DLGAP3: variants seen among roughly 807,000 people sequenced by gnomAD.
DLGAP3 encodes the protein disks large-associated protein 3.
A neutral mutation model predicts 81.2 loss-of-function variants in DLGAP3; 17 were observed. The ratio of observed to expected loss-of-function variants is 0.21; its 90% CI spans 0.14 to 0.31. DLGAP3 has a LOEUF of 0.31. Among genes scored for constraint, DLGAP3 ranks in the 10% least tolerant of loss-of-function variants. The pLI is 1.00. For missense variants in DLGAP3, 1,124 were observed against 1,388.0 expected (o/e 0.81, Z 3.02); for synonymous variants, 577 against 587.4 (o/e 0.98, Z 0.26).
chr1:34,869,480 A>ATTTTTTTTTTTTTTTTTTTTTTTTTTTT (rs71029050), intron 8 of DLGAP3, among the ~76,000 whole-genome samples: 1 of 69,280 alleles, frequency 1.4e-5, no homozygotes. Context: ...AGATATTTCA[A>ATTTTTTTTTTTTTTTTTTTTTTTTTTTT]TTTTTTTTTT....
chr1:34,906,034 T>TATATA (rs1557492434), intron 2 of DLGAP3, among the ~76,000 whole-genome samples: 1 of 39,148 alleles, frequency 2.6e-5, no homozygotes, highest in African/African-American at 7.4e-5. Context: ...ATATATATAT[T>TATATA]TGTTTGTTTT....
intron 2 of DLGAP3, among the ~76,000 whole-genome samples, chr1:34,907,099 G>C (rs981723896): frequency 3.3e-5 from 5 of 152,094 alleles, no homozygotes; most frequent in African/African-American, 1.2e-4. Context: ...TCCAGATCCT[G>C]CTCACCCCTC....
intron 5 of DLGAP3, among the ~76,000 whole-genome samples, chr1:34,890,315 G>A (rs1273626027): frequency 1.3e-5 from 2 of 152,180 alleles, no homozygotes; most frequent in Admixed American, 1.3e-4. Context: ...AGCTGCTCAT[G>A]CTTCTCACAG....
At chr1:34,906,723 G>T (rs1344698629) in intron 2 of DLGAP3, among the ~76,000 whole-genome samples, 1 of 152,186 alleles carries the variant, frequency 6.6e-6, no homozygotes, top group African/African-American at 2.4e-5. Flanking sequence ...GAACCCAGGA[G>T]TTCCTCCTCC....
chr1:34,868,711 G>T lies in DLGAP3; in HGVS notation c.2379C>A (p.Arg793=). The T allele has an allele frequency of 1.2e-6, 2 of 1,610,904 alleles. No individual in the cohort carries two copies. The highest frequency in any genetic ancestry group is 1.1e-5 in the South Asian group (1 of 91,084). ...GCATCTTGATGAACCACTCGCCGTC[G>T]CGTGGGCAGGGGGATGCGCGGCCTG... ...PDSGRASPCP[R]DGEWFIKMLR... Residue 793 remains arginine (R), a synonymous_variant, in exon 9 of 12, where the codon CGC becomes CGA. Coordinates refer to ENST00000373347, the MANE Select transcript of DLGAP3 (RefSeq NM_001080418.3). The surrounding 1 kb of genome is among the most constrained non-coding windows in gnomAD (Gnocchi z 7.5).
intron 1 of DLGAP3, among the ~76,000 whole-genome samples, chr1:34,917,362 T>TTTC (rs1184134047): frequency 6.6e-6 from 1 of 151,302 alleles, no homozygotes; most frequent in Non-Finnish European, 1.5e-5. Context: ...TTTTTTTTTT[T>TTTC]TTCGAGATAG....
chr1:34,916,918 C>T (rs1450173108), intron 1 of DLGAP3, among the ~76,000 whole-genome samples: 1 of 152,124 alleles, frequency 6.6e-6, no homozygotes, highest in East Asian at 1.9e-4. Flanking sequence ...TGGATGGTCT[C>T]GGTCTCCCTG....
In DLGAP3 at chr1:34,867,468, C is replaced by A; in HGVS notation, c.2577+68G>T. Reference sequence around the variant, plus strand: ...CACTCACTCTGGGTCACCTGCCTGTCTCACCTCCAGCACACACACACTCTG... The same window carrying A: ...CACTCACTCTGGGTCACCTGCCTGTATCACCTCCAGCACACACACACTCTG... On this transcript the variant is annotated intron_variant, in intron 10 of 11. Transcript: ENST00000373347. This position sits in a 1 kb window ranked among gnomAD's most constrained non-coding sequence, Gnocchi z 4.3. 7.1e-7 allele frequency: 1 copy of A among 1,410,224 alleles called. No individual in the cohort carries two copies. Among genetic ancestry groups the A allele is most frequent in the Non-Finnish European group, 1.0e-6 (1 of 994,050 alleles). The allele number at this position is 1,410,224 out of a possible 1,614,324, so 87.4% of individuals were successfully genotyped here. A position where few individuals can be genotyped will look rare whatever the true frequency, so the allele number is the denominator to read the frequency against.
At chr1:34,869,575 C>T (rs919777177) in intron 8 of DLGAP3, among the ~76,000 whole-genome samples, 5 of 150,918 alleles carry the variant, frequency 3.3e-5, no homozygotes, top group Admixed American at 1.3e-4. Context: ...CCGCAACCTC[C>T]GCCTCCCGGG....
intron 1 of DLGAP3, among the ~76,000 whole-genome samples, chr1:34,920,881 T>A (rs1296183938): frequency 6.6e-6 from 1 of 152,174 alleles, no homozygotes; most frequent in Non-Finnish European, 1.5e-5. Flanking sequence ...TATAAAATAA[T>A]GGTGGTGGCA....
chr1:34,888,108 A>G (rs2148403645), intron 5 of DLGAP3, among the ~76,000 whole-genome samples: 1 of 152,324 alleles, frequency 6.6e-6, no homozygotes, highest in Non-Finnish European at 1.5e-5. Flanking sequence ...CAAGTATCAC[A>G]TGGCTGCATC....
In DLGAP3 at chr1:34,867,643, A is replaced by C; in HGVS notation, c.2486-16T>G. The C allele has an allele frequency of 3.1e-6, 5 of 1,598,288 alleles. No homozygotes were observed. Among genetic ancestry groups the C allele is most frequent in the Non-Finnish European group, 4.3e-6 (5 of 1,165,822 alleles). ...TTCTCCAGGACTAGAAAGCAGAAGGAAATTCAGGGAGGGAAATGATGCATC... is the reference window on the plus strand; with the variant it reads ...TTCTCCAGGACTAGAAAGCAGAAGGCAATTCAGGGAGGGAAATGATGCATC... On this transcript the variant is annotated splice_polypyrimidine_tract_variant and intron_variant, in intron 9 of 11. Transcript: ENST00000373347. The surrounding 1 kb of genome is among the most constrained non-coding windows in gnomAD (Gnocchi z 4.3).
At position 34,865,994 on chromosome 1, in the gene DLGAP3, G is replaced by C. The variant is rs746598841; in HGVS notation, c.*89C>G. Reference sequence around the variant, plus strand: ...GGTGCCGGTGGGGCGGGCGCACGGGGCGGCCCGCGTTCACAGTGACCTCGA... The same window carrying C: ...GGTGCCGGTGGGGCGGGCGCACGGGCCGGCCCGCGTTCACAGTGACCTCGA... On this transcript the variant is annotated 3_prime_UTR_variant, in exon 12 of 12. Coordinates refer to ENST00000373347, the MANE Select transcript of DLGAP3 (RefSeq NM_001080418.3). 1 of 1,175,832 alleles carries C rather than the reference G, an allele frequency of 8.5e-7. No individual in the cohort carries two copies. The highest frequency in any genetic ancestry group is 1.2e-6 in the Non-Finnish European group (1 of 832,168). The allele number at this position is 1,175,832 out of a possible 1,614,324, so 72.8% of individuals were successfully genotyped here.
At chr1:34,891,506 G>A (rs887760364) in intron 5 of DLGAP3, among the ~76,000 whole-genome samples, 2 of 152,128 alleles carry the variant, frequency 1.3e-5, no homozygotes, top group South Asian at 4.1e-4. Flanking sequence ...ACATATCTTG[G>A]GTTAACTCGA....
intron 8 of DLGAP3, among the ~76,000 whole-genome samples, chr1:34,871,676 C>A (rs138342798): frequency 6.6e-6 from 1 of 152,374 alleles, no homozygotes; most frequent in Non-Finnish European, 1.5e-5. Context: ...TGATCTGCCA[C>A]ACCTGCGTGC....
At position 34,873,819 on chromosome 1, in the gene DLGAP3, G is replaced by A. The variant is rs983345341; in HGVS notation, c.2001-4730C>T. On this transcript the variant is annotated intron_variant, in intron 8 of 11. Coordinates refer to ENST00000373347, the MANE Select transcript of DLGAP3 (RefSeq NM_001080418.3). The surrounding 1 kb of genome is among the most constrained non-coding windows in gnomAD (Gnocchi z 4.2). The stretch of plus-strand genomic sequence containing the variant: ...AATAGGGCAGTTCATCACACTGGTT[G>A]GTTGGTTGGTTGGTTGGTTGGTTGG... Among the ~76,000 whole-genome samples, 2 of 151,084 alleles carry A rather than the reference G, an allele frequency of 1.3e-5. No homozygotes were observed. The highest frequency in any genetic ancestry group is 4.9e-5 in the African/African-American group (2 of 41,036).
At chr1:34,876,596 T>A (rs1639062542) in intron 8 of DLGAP3, among the ~76,000 whole-genome samples, 2 of 152,140 alleles carry the variant, frequency 1.3e-5, no homozygotes, top group African/African-American at 4.8e-5. Context: ...GAAAGGACTG[T>A]GCAGGTGTAT....
In DLGAP3 at chr1:34,900,017, G is replaced by A. The variant is rs769334824; in HGVS notation, c.1313+51C>T. On this transcript the variant is annotated intron_variant, in intron 4 of 11. Coordinates refer to ENST00000373347, the MANE Select transcript of DLGAP3 (RefSeq NM_001080418.3). This position sits in a 1 kb window ranked among gnomAD's most constrained non-coding sequence, Gnocchi z 5.6. ...CACTCTACACACATCTCCCGCAGGA[G>A]TCCAGCATCAGCCTCCTGACCCCGC... 2 of 1,514,760 alleles carry A rather than the reference G, an allele frequency of 1.3e-6. No individual in the cohort carries two copies. The highest frequency in any genetic ancestry group is 1.7e-5 in the Admixed American group (1 of 58,070). The allele number at this position is 1,514,760 out of a possible 1,614,324, so 93.8% of individuals were successfully genotyped here.
intron 3 of DLGAP3, among the ~76,000 whole-genome samples, chr1:34,903,793 G>A (rs1318931402): frequency 6.6e-6 from 1 of 152,198 alleles, no homozygotes; most frequent in Non-Finnish European, 1.5e-5. Context: ...CTCAGCAGAG[G>A]CACATTCTAG....
Sources: allele counts gnomAD v4.1 joint callset (sites outside exome capture counted in the v4.1 genomes callset), GRCh38; gene constraint gnomAD v4.1.1; non-coding constraint Gnocchi (gnomAD v3.1); transcripts MANE v1.5; gene names NCBI Gene and HGNC (gene_info 2026-07-23, HGNC 2026-07-21).